TMTC2: variants seen among roughly 807,000 people sequenced by gnomAD.
TMTC2 encodes the protein protein O-mannosyl-transferase TMTC2.
In TMTC2, 43 loss-of-function variants were observed where a neutral mutation model predicts 82.4. The ratio of observed to expected loss-of-function variants is 0.52; its 90% CI spans 0.41 to 0.67. The LOEUF is 0.67. Among genes scored for constraint, TMTC2 ranks in the 30% least tolerant of loss-of-function variants. The pLI is 0.00. For missense variants in TMTC2, 919 were observed against 1,012.4 expected, an observed-to-expected ratio of 0.91 and a Z score of 1.25; for synonymous variants, 408 against 381.9, an observed-to-expected ratio of 1.07 and a Z score of -0.80.
At chr12:83,002,782 A>AT (rs35975291) in intron 8 of TMTC2, among the ~76,000 whole-genome samples, 111,973 of 147,978 alleles carry the variant, frequency 0.76, 43,730 homozygotes, top group South Asian at 0.92. Context: ...TAAGATTTTG[A>AT]TTTTTTTTTT....
At chr12:82,721,585 T>A (rs1400332129) in intron 1 of TMTC2, among the ~76,000 whole-genome samples, 1 of 152,190 alleles carries the variant, frequency 6.6e-6, no homozygotes, top group Admixed American at 6.5e-5. Context: ...ATCCAACAGT[T>A]AACTGAGATA....
rs116175067 is a variant in TMTC2 at position 82,863,077 on chromosome 12, A to T, written c.654+5497A>T. Among the ~76,000 whole-genome samples, 533 of 152,050 alleles carry T rather than the reference A, an allele frequency of 3.5e-3. 4 individuals carry two copies. Among genetic ancestry groups the T allele is most frequent in the African/African-American group, 0.012 (514 of 41,468 alleles). ...GTGCTTTTTCCGTTAGTTGCTGGGG[A>T]TGGCTTTGATGGAATCTGTTATCAT... is the stretch of plus-strand genomic sequence containing the variant. On this transcript the variant is annotated intron_variant, in intron 2 of 11. Coordinates refer to ENST00000321196, the MANE Select transcript of TMTC2 (RefSeq NM_152588.3).
chr12:83,066,406 A>G (rs1349957506), intron 11 of TMTC2, among the ~76,000 whole-genome samples: 1 of 151,972 alleles, frequency 6.6e-6, no homozygotes, highest in Non-Finnish European at 1.5e-5. Context: ...AAGGAAGGGT[A>G]TAGGGGAAGA....
intron 2 of TMTC2, among the ~76,000 whole-genome samples, chr12:82,873,997 G>A (rs758658104): frequency 3.9e-5 from 6 of 152,238 alleles, no homozygotes; most frequent in South Asian, 2.1e-4. Flanking sequence ...TAATTATGGG[G>A]GAACGATTCT....
chr12:83,127,556 G>A (rs1051178178), intron 11 of TMTC2, among the ~76,000 whole-genome samples: 1 of 151,948 alleles, frequency 6.6e-6, no homozygotes, highest in African/African-American at 2.4e-5. Context: ...TCGTCTTTTC[G>A]GAGTTCTACA....
At chr12:82,687,712 A>C (rs781168718) in intron 1 of TMTC2, 43 bp downstream of exon 1, 3 of 1,556,858 alleles carry the variant, frequency 1.9e-6, no homozygotes, top group East Asian at 2.3e-5. Flanking sequence ...CAGGGGGCAC[A>C]CTCCGCAGTG....
At chr12:82,730,747 C>T (rs546468635) in intron 1 of TMTC2, among the ~76,000 whole-genome samples, 2 of 152,090 alleles carry the variant, frequency 1.3e-5, no homozygotes, top group South Asian at 2.1e-4. Flanking sequence ...AAGTTGTGGC[C>T]GTACATCAAT....
intron 11 of TMTC2, among the ~76,000 whole-genome samples, chr12:83,114,157 C>T (rs1884683812): frequency 6.6e-6 from 1 of 152,094 alleles, no homozygotes; most frequent in Non-Finnish European, 1.5e-5. Flanking sequence ...CACTGAAACC[C>T]TAATCCCTAA....
At chr12:82,995,337 T>TACAC (rs59534444) in intron 8 of TMTC2, among the ~76,000 whole-genome samples, 65 of 150,168 alleles carry the variant, frequency 4.3e-4, no homozygotes, top group East Asian at 1.8e-3. Context: ...CACACACACA[T>TACAC]ACACACACAC....
At chr12:82,864,481 A>G (rs964873470) in intron 2 of TMTC2, among the ~76,000 whole-genome samples, 1 of 147,884 alleles carries the variant, frequency 6.8e-6, no homozygotes, top group African/African-American at 2.5e-5. Flanking sequence ...CATTCATATC[A>G]GTGTATGTCA....
chr12:82,735,209 T>C (rs1485985236), intron 1 of TMTC2, among the ~76,000 whole-genome samples: 2 of 152,178 alleles, frequency 1.3e-5, no homozygotes, highest in Non-Finnish European at 2.9e-5. Context: ...TAGAAATCTA[T>C]ATCAAATACC....
chr12:82,914,756 C>T (rs1346919361), intron 3 of TMTC2, among the ~76,000 whole-genome samples: 1 of 148,992 alleles, frequency 6.7e-6, no homozygotes, highest in African/African-American at 2.5e-5. Context: ...AGTTACACAT[C>T]TATGTTAATT....
chr12:82,910,815 C>T (rs1874597905), intron 3 of TMTC2, among the ~76,000 whole-genome samples: 1 of 152,104 alleles, frequency 6.6e-6, no homozygotes, highest in South Asian at 2.1e-4. Context: ...AGATGTGTTC[C>T]TCTTGCCATC....
intron 9 of TMTC2, among the ~76,000 whole-genome samples, chr12:83,035,507 A>G (rs1263493174): frequency 2.6e-5 from 4 of 152,212 alleles, no homozygotes; most frequent in African/African-American, 4.8e-5. Context: ...TTTGTAACAT[A>G]TACCCAATTT....
intron 1 of TMTC2, among the ~76,000 whole-genome samples, chr12:82,733,382 A>G (rs567147997): frequency 1.3e-5 from 2 of 152,354 alleles, no homozygotes; most frequent in East Asian, 3.9e-4. Flanking sequence ...ATAAATACAT[A>G]ACATGCACAC....
At chr12:83,094,694 T>C (rs984264282) in intron 11 of TMTC2, among the ~76,000 whole-genome samples, 3 of 151,982 alleles carry the variant, frequency 2.0e-5, no homozygotes, top group African/African-American at 7.3e-5. Flanking sequence ...ATTTAGGAGA[T>C]AAAGTGGAGA....
chr12:82,769,481 AAAAAAG>A (rs958709252), intron 1 of TMTC2, among the ~76,000 whole-genome samples: 1 of 72,918 alleles, frequency 1.4e-5, no homozygotes, highest in African/African-American at 5.8e-5. Flanking sequence ...CTCAAACCAA[AAAAAAG>A]AAAAAGAAAA....
chr12:82,937,769 T>TATATAC (rs1876440076), intron 4 of TMTC2, among the ~76,000 whole-genome samples: 1 of 21,744 alleles, frequency 4.6e-5, no homozygotes, highest in African/African-American at 1.4e-4. Context: ...TATATATATA[T>TATATAC]ATATATATAT....
intron 1 of TMTC2, among the ~76,000 whole-genome samples, chr12:82,719,787 G>A (rs1565720881): frequency 6.6e-6 from 1 of 151,082 alleles, no homozygotes; most frequent in Non-Finnish European, 1.5e-5. Flanking sequence ...TGTGACCACA[G>A]GCAAGTTATG....
Sources: gnomAD v4.1 joint callset for allele counts (sites outside exome capture counted in the v4.1 genomes callset) on GRCh38, gnomAD v4.1.1 for gene constraint, MANE v1.5 for transcripts, NCBI Gene and HGNC (gene_info 2026-07-23, HGNC 2026-07-21) for gene names.